Variants in DACH2 observed in about 807,000 individuals in gnomAD.
DACH2 encodes the protein dachshund family transcription factor 2, also known as dachshund homolog 2.
A neutral mutation model predicts 35.8 loss-of-function variants in DACH2; 17 were observed. That is an observed-to-expected ratio of 0.48 (90% CI 0.33 to 0.71). DACH2 has a LOEUF of 0.71. Ranked by LOEUF, DACH2 falls within the 30% of genes least tolerant of loss-of-function variation. The probability of loss-of-function intolerance (pLI) is 0.02; values close to 1 mark genes in which losing one functional copy is unlikely to be tolerated. For missense variants in DACH2, 469 were observed against 472.7 expected (o/e 0.99, Z 0.07); for synonymous variants, 195 against 177.3 (o/e 1.10, Z -0.79).
chrX:86,402,731 C>G (rs1457397142), intron 2 of DACH2, among the ~76,000 whole-genome samples: 7 of 111,728 alleles, frequency 6.3e-5, no homozygotes, highest in African/African-American at 2.3e-4. Flanking sequence ...TCAAAGCAAT[C>G]CTGAGCAAAA....
intron 2 of DACH2, among the ~76,000 whole-genome samples, chrX:86,378,562 C>T (rs1304947668): frequency 9.0e-5 from 10 of 110,670 alleles, no homozygotes; most frequent in African/African-American, 3.3e-4. Context: ...CTGGGAATTA[C>T]GATTTTTACA....
chrX:86,224,086 G>A (rs1160399401), intron 1 of DACH2, among the ~76,000 whole-genome samples: 2 of 110,931 alleles, frequency 1.8e-5, no homozygotes, highest in Non-Finnish European at 3.8e-5. Context: ...TATTGATCTG[G>A]TCTTTGCCCT....
chrX:86,649,693 A>G (rs920525766), intron 3 of DACH2, among the ~76,000 whole-genome samples: 1 of 111,278 alleles, frequency 9.0e-6, no homozygotes, highest in Non-Finnish European at 1.9e-5. Context: ...CGAGTTTTCT[A>G]TGCATCATAA....
At chrX:86,500,108 G>T (rs1204156400) in intron 2 of DACH2, among the ~76,000 whole-genome samples, 1 of 111,134 alleles carries the variant, frequency 9.0e-6, no homozygotes, top group Non-Finnish European at 1.9e-5. Flanking sequence ...TATTTCAATT[G>T]AGTCTTGATT....
chrX:86,149,233 G>T lies in DACH2; in HGVS notation c.488+125G>T. On this transcript the variant is annotated intron_variant, in intron 1 of 11. Transcript: ENST00000373125. ...TAACTAGTTTGCCTCTATTCTTCAC[G>T]CTGTAAATCGGTGGGGAAAGAGGAC... The T allele has an allele frequency of 3.6e-6, 3 of 844,588 alleles. No homozygotes were observed. In the South Asian group the frequency reaches 9.1e-5, roughly 25 times the overall value. The allele number at this position is 844,588 out of a possible 1,213,427, so 69.6% of individuals were successfully genotyped here.
intron 4 of DACH2, among the ~76,000 whole-genome samples, chrX:86,657,647 T>C (rs1437652060): frequency 9.0e-6 from 1 of 111,305 alleles, no homozygotes; most frequent in Non-Finnish European, 1.9e-5. Context: ...CAATTTTTGG[T>C]TCTTATAAGC....
chrX:86,254,816 A>ATAT (rs2033484428), intron 1 of DACH2, among the ~76,000 whole-genome samples: 2 of 88,917 alleles, frequency 2.2e-5, no homozygotes, highest in Non-Finnish European at 4.4e-5. Context: ...ATAGAGAGAG[A>ATAT]GAGAGAGAGA....
intron 2 of DACH2, among the ~76,000 whole-genome samples, chrX:86,493,594 G>A (rs758233630): frequency 9.0e-5 from 10 of 111,302 alleles, no homozygotes; most frequent in Non-Finnish European, 1.9e-4. Flanking sequence ...ACATGCATGT[G>A]TGCATGCATA....
At chrX:86,629,787 G>A (rs2040179021) in intron 3 of DACH2, among the ~76,000 whole-genome samples, 1 of 110,412 alleles carries the variant, frequency 9.1e-6, no homozygotes. Context: ...GCTGAGGTGG[G>A]AGGATCCATT....
At chrX:86,712,695 G>A (rs2041292611) in intron 5 of DACH2, among the ~76,000 whole-genome samples, 1 of 111,072 alleles carries the variant, frequency 9.0e-6, no homozygotes, top group Non-Finnish European at 1.9e-5. Flanking sequence ...TGTTGTAAGA[G>A]TTGTTTTGAG....
intron 3 of DACH2, among the ~76,000 whole-genome samples, chrX:86,532,481 G>GCTCT (rs199608577): frequency 0.012 from 1,283 of 102,703 alleles, 28 homozygotes; most frequent in African/African-American, 0.042. Context: ...TTGAAGTATA[G>GCTCT]CTCTCTCTCT....
intron 3 of DACH2, among the ~76,000 whole-genome samples, chrX:86,518,442 G>T (rs2148274873): frequency 8.9e-6 from 1 of 111,957 alleles, no homozygotes; most frequent in Admixed American, 9.5e-5. Context: ...GAATGCCATT[G>T]GTAGTCTGAC....
intron 2 of DACH2, among the ~76,000 whole-genome samples, chrX:86,475,151 G>T (rs754865670): frequency 9.0e-6 from 1 of 110,923 alleles, no homozygotes; most frequent in African/African-American, 3.3e-5. Context: ...GGATAGTTTT[G>T]GTTATTCTGG....
chrX:86,348,094 G>A (rs918892970), intron 1 of DACH2, among the ~76,000 whole-genome samples: 65 of 111,540 alleles, frequency 5.8e-4, no homozygotes, highest in African/African-American at 2.0e-3. Flanking sequence ...TATTTCTAGA[G>A]AGAATCAAGC....
At chrX:86,607,530 G>T (rs1413786204) in intron 3 of DACH2, among the ~76,000 whole-genome samples, 1 of 110,801 alleles carries the variant, frequency 9.0e-6, no homozygotes, top group Admixed American at 9.6e-5. Context: ...TCTTTTTGTT[G>T]TTTCTATTTA....
chrX:86,567,601 T>A (rs1215433240), intron 3 of DACH2, among the ~76,000 whole-genome samples: 1 of 111,761 alleles, frequency 8.9e-6, no homozygotes, highest in African/African-American at 3.2e-5. Context: ...CTATATACAG[T>A]TTTAAAAATT....
In DACH2 at chrX:86,629,954, A is replaced by G. The variant is rs1016233298; in HGVS notation, c.641-21082A>G. Among the ~76,000 whole-genome samples the G allele has an allele frequency of 5.4e-5, 6 of 111,883 alleles. No homozygotes were observed. The Middle Eastern group carries it at 0.014, about 261-fold the overall frequency. ...TAACTCATGATTACCCAATGAGAGA[A>G]CAGATGAACTTTATATAAATTTTAA... On this transcript the variant is annotated intron_variant, in intron 3 of 11. Transcript: ENST00000373125.
At chrX:86,701,801 G>A (rs73228610) in intron 5 of DACH2, among the ~76,000 whole-genome samples, 7,225 of 111,203 alleles carry the variant, frequency 0.065, 364 homozygotes, top group Admixed American at 0.22. Context: ...ACTCAAAAGT[G>A]GGAGCTAAAC....
Position 86,740,528 on chromosome X carries a change from G to A in DACH2, c.1240+646G>A, listed in dbSNP as rs763358857. Among the ~76,000 whole-genome samples, 330 of 64,686 alleles carry A rather than the reference G, an allele frequency of 5.1e-3. 2 individuals carry two copies. The highest frequency in any genetic ancestry group is 0.021 in the African/African-American group (312 of 15,158). 56.2% of individuals were successfully genotyped at this position (64,686 alleles called of 115,157 possible). A position where few individuals can be genotyped will look rare whatever the true frequency, so the allele number is the denominator to read the frequency against. On this transcript the variant is annotated intron_variant, in intron 7 of 11. Transcript: ENST00000373125. ...CTCCCCCCACCCCACAACAGTCCCC[G>A]GAGTATGATGTTCCCCTTCCTGTGT... is the stretch of plus-strand genomic sequence containing the variant.
Sources: gnomAD v4.1 joint callset for allele counts (sites outside exome capture counted in the v4.1 genomes callset) on GRCh38, gnomAD v4.1.1 for gene constraint, MANE v1.5 for transcripts, NCBI Gene and HGNC (gene_info 2026-07-23, HGNC 2026-07-21) for gene names.